ZNF529: variants seen among roughly 807,000 people sequenced by gnomAD.
The protein encoded by ZNF529 is zinc finger protein 529.
ZNF529 carries 11 observed loss-of-function variants against 10.1 expected under a neutral mutation model. The ratio of observed to expected loss-of-function variants is 1.09; its 90% confidence interval spans 0.69 to 1.81. The LOEUF (loss-of-function observed/expected upper bound fraction) is 1.81, where lower values mean the gene tolerates loss of function less well. Ranked by LOEUF, ZNF529 falls within the 40% of genes most tolerant of loss-of-function variation. The pLI is 0.00. For missense variants in ZNF529, 624 were observed against 666.8 expected (o/e 0.94, Z 0.71); for synonymous variants, 204 against 215.7 (o/e 0.95, Z 0.47).
At chr19:36,596,293 C>T (rs938372148) in intron 1 of ZNF529, among the ~76,000 whole-genome samples, 12 of 151,836 alleles carry the variant, frequency 7.9e-5, no homozygotes, top group East Asian at 3.9e-4. Context: ...AGGGTGGTCT[C>T]GAACTCCTGA....
At chr19:36,563,384 C>A (rs1232924593) in intron 2 of ZNF529, among the ~76,000 whole-genome samples, 1 of 150,680 alleles carries the variant, frequency 6.6e-6, no homozygotes, top group African/African-American at 2.5e-5. Context: ...GATCACACCA[C>A]AGCACTCCAG....
chr19:36,556,194 G>GA lies in ZNF529; in HGVS notation c.17dup (p.Ile7HisfsTer20), dbSNP rs2035464774. 1 of 1,105,300 alleles carries GA rather than the reference G, an allele frequency of 9.0e-7. No individual in the cohort carries two copies. Among genetic ancestry groups the GA allele is most frequent in the South Asian group, 1.3e-5 (1 of 75,102 alleles). 68.5% of individuals were successfully genotyped at this position (1,105,300 alleles called of 1,614,324 possible). A position where few individuals can be genotyped will look rare whatever the true frequency, so the allele number is the denominator to read the frequency against. On this transcript the variant is annotated frameshift_variant, in exon 3 of 5. Transcript: ENST00000591340. LOFTEE classifies it high-confidence loss of function. Reference sequence around the variant, plus strand: ...GAGCTCCATGGACATGATCCCCAATGAAACTGTAAAAATTATTTTTTAAGA... The same window carrying GA: ...GAGCTCCATGGACATGATCCCCAATGAAAACTGTAAAAATTATTTTTTAAGA...
At chr19:36,589,720 CAA>C (rs1025375814) in intron 1 of ZNF529, 5 of 150,350 alleles carry the variant, frequency 3.3e-5, no homozygotes, top group African/African-American at 1.2e-4. Context: ...AAAAAAAAGA[CAA>C]AAAATATCAG....
intron 1 of ZNF529, among the ~76,000 whole-genome samples, chr19:36,595,553 G>T (rs2036822074): frequency 6.6e-6 from 1 of 152,054 alleles, no homozygotes; most frequent in Non-Finnish European, 1.5e-5. Flanking sequence ...TAAAAAATTA[G>T]CCAGGTGTGG....
intron 2 of ZNF529, among the ~76,000 whole-genome samples, chr19:36,583,680 GA>G (rs1000027576): frequency 4.0e-5 from 6 of 151,876 alleles, no homozygotes; most frequent in South Asian, 4.2e-4. Flanking sequence ...GTTTTAAATG[GA>G]AAAAAACTCA....
chr19:36,572,308 T>C (rs2036149272), intron 2 of ZNF529, 25 bp downstream of exon 2: 3 of 1,531,068 alleles, frequency 2.0e-6, no homozygotes, highest in Admixed American at 2.0e-5. Context: ...AGGGACCAGG[T>C]AAATGAACAA....
At position 36,546,782 on chromosome 19, in the gene ZNF529, T is replaced by G; in HGVS notation, c.*84A>C. ...AACAGACTTTAAGAGAGGGAGATACTGAATTGCCTTGATTACCTATTAAAT... is the reference window on the plus strand; with the variant it reads ...AACAGACTTTAAGAGAGGGAGATACGGAATTGCCTTGATTACCTATTAAAT... On this transcript the variant is annotated 3_prime_UTR_variant, in exon 5 of 5. Coordinates refer to ENST00000591340, the MANE Select transcript of ZNF529 (RefSeq NM_020951.5). 1 of 1,419,862 alleles carries G rather than the reference T, an allele frequency of 7.0e-7. No homozygotes were observed. Among genetic ancestry groups the G allele is most frequent in the Non-Finnish European group, 9.5e-7 (1 of 1,050,638 alleles). 88.0% of individuals were successfully genotyped at this position (1,419,862 alleles called of 1,614,324 possible). A position where few individuals can be genotyped will look rare whatever the true frequency, so the allele number is the denominator to read the frequency against.
intron 2 of ZNF529, among the ~76,000 whole-genome samples, chr19:36,568,323 T>A (rs547931735): frequency 1.1e-4 from 16 of 152,248 alleles, no homozygotes; most frequent in South Asian, 2.1e-4. Context: ...TCTTACTCCA[T>A]CTCTAGTGCA....
At position 36,582,970 on chromosome 19, in the gene ZNF529, G is replaced by A. The variant is rs191867485; in HGVS notation, c.-41+6645C>T. Among the ~76,000 whole-genome samples the A allele has an allele frequency of 3.9e-3, 598 of 152,250 alleles. 1 individual carries two copies. The highest frequency in any genetic ancestry group is 0.01 in the Middle Eastern group (3 of 294). ...TTATGCCAATAAATTTGACATTTTA[G>A]ATGAAATTCATCCATTCCTTTAAAA... On this transcript the variant is annotated intron_variant, in intron 2 of 4. Transcript: ENST00000585960.
chr19:36,604,498 G>A (rs1025111745), intron 1 of ZNF529, among the ~76,000 whole-genome samples: 3 of 152,122 alleles, frequency 2.0e-5, no homozygotes, highest in African/African-American at 7.2e-5. Flanking sequence ...AAGAAACCAC[G>A]TAACTTAAAA....
At chr19:36,548,456 C>T in intron 4 of ZNF529, 134 bp from the exon 5 acceptor site, 1 of 823,836 alleles carries the variant, frequency 1.2e-6, no homozygotes, top group South Asian at 2.0e-5. Flanking sequence ...AGAGAGCTCA[C>T]AGAGTAACAG....
In ZNF529 at chr19:36,547,664, A is replaced by G. The variant is rs574566533; in HGVS notation, c.894T>C (p.Thr298=). The change falls in exon 5 of 5, where the codon ACT becomes ACC. Residue 298 remains threonine (T), a synonymous_variant. Coordinates refer to ENST00000591340, the MANE Select transcript of ZNF529 (RefSeq NM_020951.5). Reference sequence around the variant, plus strand: ...CATCAGTATGGATTTTCTGATGTCGAGTAAGTTGTGCATGCACTCTAAAGG... The same window carrying G: ...CATCAGTATGGATTTTCTGATGTCGGGTAAGTTGTGCATGCACTCTAAAGG... The part of the protein sequence containing the change: ...GKSFRVHAQL[T]RHQKIHTDEK... 6.2e-7 allele frequency: 1 copy of G among 1,613,880 alleles called. No individual in the cohort carries two copies. The highest frequency in any genetic ancestry group is 1.3e-5 in the African/African-American group (1 of 75,036).
At chr19:36,556,594 C>T (rs2035484272) in intron 2 of ZNF529, among the ~76,000 whole-genome samples, 1 of 152,226 alleles carries the variant, frequency 6.6e-6, no homozygotes, top group Non-Finnish European at 1.5e-5. Context: ...GGATGTGGTA[C>T]TGCTGAGCAT....
At chr19:36,593,254 C>A (rs2036767123) in intron 1 of ZNF529, among the ~76,000 whole-genome samples, 1 of 152,210 alleles carries the variant, frequency 6.6e-6, no homozygotes, top group Non-Finnish European at 1.5e-5. Context: ...CCGCTCACTG[C>A]ACCCTCGACC....
chr19:36,557,892 T>G (rs2035541682), intron 2 of ZNF529, among the ~76,000 whole-genome samples: 1 of 152,150 alleles, frequency 6.6e-6, no homozygotes. Context: ...TTATACATTA[T>G]AATACATATT....
intron 1 of ZNF529, among the ~76,000 whole-genome samples, chr19:36,595,644 CCT>C (rs34626164): frequency 0.36 from 54,052 of 151,634 alleles, 10,391 homozygotes; most frequent in African/African-American, 0.52. Flanking sequence ...CTGCAGTGAG[CCT>C]CATGATTGTG....
chr19:36,586,685 A>T (rs1204896341), intron 2 of ZNF529, among the ~76,000 whole-genome samples: 1 of 152,170 alleles, frequency 6.6e-6, no homozygotes, highest in Non-Finnish European at 1.5e-5. Context: ...CTCAGTGAAT[A>T]TCAGCATTAC....
intron 2 of ZNF529, among the ~76,000 whole-genome samples, chr19:36,569,516 G>A (rs1413218326): frequency 1.3e-5 from 2 of 152,058 alleles, no homozygotes; most frequent in African/African-American, 4.8e-5. Context: ...TGTAATCCCA[G>A]CACTTAGAGA....
chr19:36,544,345 T>C lies in ZNF529; in HGVS notation c.*2521A>G, dbSNP rs2034937297. ...ACACATTTTATTCATTAATTTATTA[T>C]TTGTTAATGACTTCAAAAAGTAAAA... On this transcript the variant is annotated 3_prime_UTR_variant, in exon 5 of 5. Coordinates refer to ENST00000591340, the MANE Select transcript of ZNF529 (RefSeq NM_020951.5). 6.6e-6 allele frequency: 1 copy of C among 152,206 alleles called. No individual in the cohort carries two copies. The highest frequency in any genetic ancestry group is 6.5e-5 in the Admixed American group (1 of 15,284). The allele number at this position is 152,206 out of a possible 1,614,324, so 9.4% of individuals were successfully genotyped here.
Sources: allele counts gnomAD v4.1 joint callset (sites outside exome capture counted in the v4.1 genomes callset), GRCh38; gene constraint gnomAD v4.1.1; transcripts MANE v1.5; gene names NCBI Gene and HGNC (gene_info 2026-07-23, HGNC 2026-07-21).